VAT1L: variants seen among roughly 807,000 people sequenced by gnomAD.
VAT1L encodes the protein putative NADPH-dependent quinone oxidoreductase VAT1L.
A neutral mutation model predicts 44.1 loss-of-function variants in VAT1L; 34 were observed. The ratio of observed to expected loss-of-function variants is 0.77; its 90% CI spans 0.59 to 1.03. The LOEUF is 1.03. Ranked by LOEUF, VAT1L falls within the 50% of genes least tolerant of loss-of-function variation. VAT1L has a pLI of 0.00. For missense variants in VAT1L, 615 were observed against 538.8 expected, an observed-to-expected ratio of 1.14 and a Z score of -1.40; for synonymous variants, 253 against 202.2, an observed-to-expected ratio of 1.25 and a Z score of -2.13.
chr16:77,816,804 G>T, intron 1 of VAT1L, 117 bp from the exon 2 acceptor site: 1 of 1,283,976 alleles, frequency 7.8e-7, no homozygotes, highest in South Asian at 1.7e-5. Context: ...AAGACAGGAA[G>T]GAGTGAAGAA....
intron 7 of VAT1L, among the ~76,000 whole-genome samples, chr16:77,967,777 A>C (rs1200564401): frequency 6.6e-6 from 1 of 152,194 alleles, no homozygotes; most frequent in Non-Finnish European, 1.5e-5. Flanking sequence ...CTAGTCTCCA[A>C]GGAGTTTTCA....
intron 7 of VAT1L, among the ~76,000 whole-genome samples, chr16:77,893,580 T>A (rs1441450883): frequency 6.6e-6 from 1 of 152,250 alleles, no homozygotes; most frequent in East Asian, 1.9e-4. Context: ...CTACGACTGC[T>A]ACTACTATTA....
chr16:77,821,280 G>A lies in VAT1L; in HGVS notation c.364-3966G>A, dbSNP rs1182271758. On this transcript the variant is annotated intron_variant, in intron 2 of 8. Transcript: ENST00000302536. ...GAAGGATTATATAAGGAATTAGGTG[G>A]ACTTTTGTTGAAATCTTGTCTTTTT... Among the ~76,000 whole-genome samples, 4 of 151,506 alleles carry A rather than the reference G, an allele frequency of 2.6e-5. No individual in the cohort carries two copies. The East Asian group carries it at 7.8e-4, about 29-fold the overall frequency.
At chr16:77,898,645 G>A (rs1230723408) in intron 7 of VAT1L, among the ~76,000 whole-genome samples, 5 of 138,286 alleles carry the variant, frequency 3.6e-5, no homozygotes, top group South Asian at 2.7e-4. Context: ...CACCCAGTAC[G>A]AGCCAGCCTC....
chr16:77,880,883 A>G (rs933259170), intron 6 of VAT1L, among the ~76,000 whole-genome samples: 2 of 152,118 alleles, frequency 1.3e-5, no homozygotes, highest in Admixed American at 1.3e-4. Context: ...TTTGATTAGG[A>G]AAATGAGCTC....
rs2018281392 is a variant in VAT1L, at chr16:77,971,845, C to T, written c.1078-5C>T. ...AGCACCTCTGTTTCTCACCTTTTCG[C>T]GCAGGTGAAGGAGGCCATGCAGCGG... On this transcript the variant is annotated splice_polypyrimidine_tract_variant and splice_region_variant and intron_variant, in intron 7 of 8. Coordinates refer to ENST00000302536, the MANE Select transcript of VAT1L (RefSeq NM_020927.3). The T allele has an allele frequency of 6.2e-7, 1 of 1,611,574 alleles. No homozygotes were observed. The highest frequency in any genetic ancestry group is 1.1e-5 in the South Asian group (1 of 90,722).
intron 7 of VAT1L, among the ~76,000 whole-genome samples, chr16:77,926,044 C>A (rs957093490): frequency 6.6e-6 from 1 of 151,626 alleles, no homozygotes; most frequent in South Asian, 2.1e-4. Context: ...GGGTGGGTCA[C>A]GAGGTCAGGA....
At chr16:77,821,695 G>A (rs991206322) in intron 2 of VAT1L, among the ~76,000 whole-genome samples, 19 of 152,066 alleles carry the variant, frequency 1.2e-4, no homozygotes, top group African/African-American at 4.6e-4. Context: ...AATAATAAAA[G>A]CAACCATAAG....
intron 7 of VAT1L, among the ~76,000 whole-genome samples, chr16:77,960,291 A>G (rs2018147511): frequency 6.6e-6 from 1 of 152,102 alleles, no homozygotes; most frequent in African/African-American, 2.4e-5. Context: ...TGAATGAAAA[A>G]GCTTGGAGCC....
intron 1 of VAT1L, among the ~76,000 whole-genome samples, chr16:77,795,193 C>G (rs994848324): frequency 6.6e-6 from 1 of 151,552 alleles, no homozygotes; most frequent in South Asian, 2.1e-4. Context: ...TCTGTCTTCC[C>G]ATTTTTCCAT....
At position 77,884,170 on chromosome 16, in the gene VAT1L, TA is replaced by T. The variant is rs1024033297; in HGVS notation, c.883-430del. ...CAGTGCCTAGAAAAATAGATGCTTT[TA>T]AAAAAAATACACCACTGTCCAAGGC... is the stretch of plus-strand genomic sequence containing the variant. On this transcript the variant is annotated intron_variant, in intron 6 of 8. Coordinates refer to ENST00000302536, the MANE Select transcript of VAT1L (RefSeq NM_020927.3). The surrounding 1 kb of genome is among the most constrained non-coding windows in gnomAD (Gnocchi z 4.5). Among the ~76,000 whole-genome samples, 4 of 151,992 alleles carry T rather than the reference TA, an allele frequency of 2.6e-5. No individual in the cohort carries two copies. Among genetic ancestry groups the T allele is most frequent in the Non-Finnish European group, 4.4e-5 (3 of 67,980 alleles).
chr16:77,866,919 C>T (rs796225588), intron 4 of VAT1L, among the ~76,000 whole-genome samples: 2 of 152,208 alleles, frequency 1.3e-5, no homozygotes, highest in African/African-American at 4.8e-5. Context: ...ATGGACAGCC[C>T]CTCAGGTGCA....
chr16:77,960,079 C>A (rs531903232), intron 7 of VAT1L, among the ~76,000 whole-genome samples: 3 of 152,204 alleles, frequency 2.0e-5, no homozygotes, highest in Non-Finnish European at 2.9e-5. Context: ...ATCTTCCCAA[C>A]CAGGTCAAAT....
At chr16:77,872,377 A>G (rs1382743662) in intron 4 of VAT1L, among the ~76,000 whole-genome samples, 2 of 152,148 alleles carry the variant, frequency 1.3e-5, no homozygotes, top group African/African-American at 4.8e-5. Flanking sequence ...TCAAGCTATC[A>G]TACTATTCTC....
At chr16:77,828,352 A>C (rs2016546031) in intron 3 of VAT1L, among the ~76,000 whole-genome samples, 1 of 152,238 alleles carries the variant, frequency 6.6e-6, no homozygotes, top group Non-Finnish European at 1.5e-5. Context: ...ACCCAGTGTC[A>C]TCACAAGAGT....
chr16:77,892,758 T>C, intron 7 of VAT1L: 1 of 763,488 alleles, frequency 1.3e-6, no homozygotes, highest in East Asian at 2.5e-5. Flanking sequence ...TTCTAGTTTT[T>C]CATCTGTACT....
intron 7 of VAT1L, among the ~76,000 whole-genome samples, chr16:77,970,781 G>A (rs774689103): frequency 1.7e-4 from 26 of 152,202 alleles, no homozygotes; most frequent in Non-Finnish European, 3.1e-4. Flanking sequence ...GTGTCAAGTT[G>A]TTATCCAAAT....
chr16:77,810,353 A>C (rs1224409472), intron 1 of VAT1L, among the ~76,000 whole-genome samples: 1 of 152,150 alleles, frequency 6.6e-6, no homozygotes, highest in African/African-American at 2.4e-5. Flanking sequence ...GTGGGGCCCA[A>C]AAATCTGTGT....
chr16:77,932,309 G>T (rs2017741767), intron 7 of VAT1L, among the ~76,000 whole-genome samples: 1 of 151,916 alleles, frequency 6.6e-6, no homozygotes, highest in African/African-American at 2.4e-5. Flanking sequence ...GTTTCACCGT[G>T]TTAGCCAGGA....
Sources: gnomAD v4.1 joint callset for allele counts (sites outside exome capture counted in the v4.1 genomes callset) on GRCh38, gnomAD v4.1.1 for gene constraint, Gnocchi (gnomAD v3.1) non-coding constraint, MANE v1.5 for transcripts, NCBI Gene and HGNC (gene_info 2026-07-23, HGNC 2026-07-21) for gene names.